The following LHFPL6 variants were observed in gnomAD, a reference collection of about 807,000 sequenced individuals.
The protein encoded by LHFPL6 is LHFPL tetraspan subfamily member 6 protein.
LHFPL6 carries 9 observed loss-of-function variants against 20.6 expected under a neutral mutation model. That is an observed-to-expected ratio of 0.44 (90% CI 0.26 to 0.76). The LOEUF is 0.76. LHFPL6 is among the 30% of genes least tolerant of loss of function. The probability of loss-of-function intolerance (pLI) is 0.20; values close to 1 mark genes in which losing one functional copy is unlikely to be tolerated. For synonymous variants in LHFPL6, 105 were observed against 98.7 expected (o/e 1.06, Z -0.38); for missense variants, 218 against 253.5 (o/e 0.86, Z 0.95).
Position 39,472,578 on chromosome 13 carries a change from G to A in LHFPL6, c.386-94052C>T, listed in dbSNP as rs577255690. Among the ~76,000 whole-genome samples the A allele has an allele frequency of 2.5e-4, 38 of 151,996 alleles. 1 individual carries two copies. The South Asian group carries it at 7.9e-3, about 32-fold the overall frequency. On this transcript the variant is annotated intron_variant, in intron 2 of 3. Coordinates refer to ENST00000379589, the MANE Select transcript of LHFPL6 (RefSeq NM_005780.3). ...ACTTTCCCTCTTAATGTATTTGAAA[G>A]GTTTCTTCCCCTCTTTATTTTATCA...
intron 2 of LHFPL6, among the ~76,000 whole-genome samples, chr13:39,491,301 T>C (rs1166231497): frequency 1.3e-5 from 2 of 151,978 alleles, no homozygotes; most frequent in African/African-American, 2.4e-5. Flanking sequence ...TGAGGGAAAA[T>C]AGCATTTCTG....
intron 3 of LHFPL6, among the ~76,000 whole-genome samples, chr13:39,362,214 G>T (rs530970320): frequency 1.3e-5 from 2 of 152,358 alleles, no homozygotes; most frequent in South Asian, 4.1e-4. Context: ...CGCCCTTGCT[G>T]TTCTTATGAT....
intron 2 of LHFPL6, among the ~76,000 whole-genome samples, chr13:39,514,943 T>A (rs999318305): frequency 1.3e-5 from 2 of 152,202 alleles, no homozygotes; most frequent in African/African-American, 4.8e-5. Flanking sequence ...ATGTGTAAGA[T>A]GAACATGTGA....
chr13:39,378,528 T>C lies in LHFPL6; in HGVS notation c.386-2A>G, dbSNP rs1025520867. 2 of 1,611,940 alleles carry C rather than the reference T, an allele frequency of 1.2e-6. No individual in the cohort carries two copies. The highest frequency in any genetic ancestry group is 1.7e-6 in the Non-Finnish European group (2 of 1,178,316). On this transcript the variant is annotated splice_acceptor_variant, in intron 2 of 3. Coordinates refer to ENST00000379589, the MANE Select transcript of LHFPL6 (RefSeq NM_005780.3). LOFTEE classifies it high-confidence loss of function. ...CACAGCCAGCACCAATCAACAAGCC[T>C]GCAAAGAGATAAGACAAGAGGGCTT...
chr13:39,378,551 C>G (rs946076600), intron 2 of LHFPL6, 25 bp from the exon 3 acceptor site: 2 of 1,554,902 alleles, frequency 1.3e-6, no homozygotes, highest in African/African-American at 2.7e-5. Context: ...GACAAGAGGG[C>G]TTTACCAGTG....
intron 2 of LHFPL6, among the ~76,000 whole-genome samples, chr13:39,484,747 C>A (rs193027318): frequency 1.9e-3 from 287 of 152,212 alleles, no homozygotes; most frequent in African/African-American, 6.7e-3. Flanking sequence ...TGAGAAATAT[C>A]TTTTGTTATA....
intron 2 of LHFPL6, among the ~76,000 whole-genome samples, chr13:39,471,559 T>G (rs1474811981): frequency 1.3e-5 from 2 of 152,324 alleles, no homozygotes; most frequent in East Asian, 3.9e-4. Flanking sequence ...CCTCAAGGAA[T>G]CTCTGCATAC....
chr13:39,443,841 G>A (rs905683202), intron 2 of LHFPL6, among the ~76,000 whole-genome samples: 1 of 150,746 alleles, frequency 6.6e-6, no homozygotes, highest in Non-Finnish European at 1.5e-5. Flanking sequence ...CATTCAATAA[G>A]TTACATGAGA....
At chr13:39,574,229 T>C (rs985007801) in intron 2 of LHFPL6, among the ~76,000 whole-genome samples, 4 of 152,172 alleles carry the variant, frequency 2.6e-5, no homozygotes, top group Non-Finnish European at 5.9e-5. Context: ...ACGCCTGTAA[T>C]CCCAGCACTT....
chr13:39,347,810 T>C (rs1402697455), intron 3 of LHFPL6, among the ~76,000 whole-genome samples: 1 of 152,204 alleles, frequency 6.6e-6, no homozygotes, highest in African/African-American at 2.4e-5. Context: ...GTGTAGAACA[T>C]TTCAAAGAGT....
intron 2 of LHFPL6, among the ~76,000 whole-genome samples, chr13:39,413,585 GTTTT>G (rs10549523): frequency 6.2e-5 from 9 of 144,854 alleles, no homozygotes; most frequent in Non-Finnish European, 1.2e-4. Flanking sequence ...CAACCGACTA[GTTTT>G]TTTTTTTTTT....
intron 2 of LHFPL6, among the ~76,000 whole-genome samples, chr13:39,524,583 T>C (rs1251751820): frequency 1.3e-5 from 2 of 152,184 alleles, no homozygotes; most frequent in East Asian, 1.9e-4. Context: ...AGGAGGTATA[T>C]TGTGCAAAGG....
chr13:39,583,918 G>A (rs970841633), intron 2 of LHFPL6, among the ~76,000 whole-genome samples: 2 of 151,978 alleles, frequency 1.3e-5, no homozygotes, highest in African/African-American at 2.4e-5. Flanking sequence ...ACACCCAAGC[G>A]CCTCGTCTTG....
intron 2 of LHFPL6, among the ~76,000 whole-genome samples, chr13:39,461,410 C>T (rs1358576241): frequency 6.6e-6 from 1 of 152,162 alleles, no homozygotes; most frequent in East Asian, 1.9e-4. Flanking sequence ...GAGAAATCTC[C>T]AAACTGCTTT....
intron 3 of LHFPL6, among the ~76,000 whole-genome samples, chr13:39,351,836 G>T (rs1869576810): frequency 6.6e-6 from 1 of 152,136 alleles, no homozygotes; most frequent in Admixed American, 6.6e-5. Flanking sequence ...CAATCCAGTT[G>T]TTTCTGTACC....
At chr13:39,544,964 C>T (rs538907620) in intron 2 of LHFPL6, among the ~76,000 whole-genome samples, 3 of 151,502 alleles carry the variant, frequency 2.0e-5, no homozygotes, top group South Asian at 2.1e-4. Context: ...CCAAGGGGGC[C>T]GGGCACAGTG....
At chr13:39,424,946 G>C (rs1404866241) in intron 2 of LHFPL6, among the ~76,000 whole-genome samples, 4 of 152,048 alleles carry the variant, frequency 2.6e-5, no homozygotes, top group Non-Finnish European at 5.9e-5. Flanking sequence ...CCACGTATTT[G>C]AAAGGTACAA....
intron 2 of LHFPL6, among the ~76,000 whole-genome samples, chr13:39,393,997 G>A (rs1030834310): frequency 6.6e-6 from 1 of 152,022 alleles, no homozygotes; most frequent in African/African-American, 2.4e-5. Context: ...CTGGAGTATA[G>A]TGGCCTGATC....
chr13:39,558,084 C>A (rs1482526560), intron 2 of LHFPL6, among the ~76,000 whole-genome samples: 1 of 152,172 alleles, frequency 6.6e-6, no homozygotes, highest in Non-Finnish European at 1.5e-5. Flanking sequence ...CATAAACTAC[C>A]CAGCCTTAGG....
Sources: gnomAD v4.1 joint callset for allele counts (sites outside exome capture counted in the v4.1 genomes callset) on GRCh38, gnomAD v4.1.1 for gene constraint, MANE v1.5 for transcripts, NCBI Gene and HGNC (gene_info 2026-07-23, HGNC 2026-07-21) for gene names.